SRD5A2: variants seen among roughly 807,000 people sequenced by gnomAD.
SRD5A2 encodes 3-oxo-5-alpha-steroid 4-dehydrogenase 2.
In SRD5A2, 30 loss-of-function variants were observed where a neutral mutation model predicts 27.4. That is an observed-to-expected ratio of 1.10 (90% CI 0.82 to 1.49). The LOEUF (loss-of-function observed/expected upper bound fraction) is 1.49. Among genes scored for constraint, SRD5A2 ranks in the 40% most tolerant of loss-of-function variants. The probability of loss-of-function intolerance (pLI) is 0.00; values close to 1 mark genes in which losing one functional copy is unlikely to be tolerated. For synonymous variants in SRD5A2, 141 were observed against 133.6 expected, an observed-to-expected ratio of 1.06 and a Z score of -0.38; for missense variants, 348 against 323.4, an observed-to-expected ratio of 1.08 and a Z score of -0.58.
chr2:31,633,605 G>A, the SRD5A2 span, among the ~76,000 whole-genome samples: 1 of 152,110 alleles, frequency 6.6e-6, no homozygotes, highest in Admixed American at 6.5e-5. Flanking sequence ...ATACTCCGAT[G>A]TTGATGACAT....
intron 1 of SRD5A2, among the ~76,000 whole-genome samples, chr2:31,558,568 T>C (rs1363595254): frequency 1.3e-5 from 2 of 152,210 alleles, no homozygotes; most frequent in Admixed American, 6.5e-5. Flanking sequence ...GGTGTTTCCC[T>C]GTGTTTGTGT....
chr2:31,522,609 G>T lies in SRD5A2; in HGVS notation c.*3587C>A. On this transcript the variant is annotated 3_prime_UTR_variant, in exon 5 of 5. Coordinates refer to ENST00000622030, the MANE Select transcript of SRD5A2 (RefSeq NM_000348.4). ...TTTAAGATCACAACTCCATGGACTT[G>T]TACAAAGAATAAACAAATGTCTTAC... 1 of 212,402 alleles carries T rather than the reference G, an allele frequency of 4.7e-6. No individual in the cohort carries two copies. The highest frequency in any genetic ancestry group is 9.5e-6 in the Non-Finnish European group (1 of 104,900). 13.2% of individuals were successfully genotyped at this position (212,402 alleles called of 1,614,324 possible). A position where few individuals can be genotyped will look rare whatever the true frequency, so the allele number is the denominator to read the frequency against.
At chr2:31,529,108 T>C (rs1053446755) in intron 4 of SRD5A2, among the ~76,000 whole-genome samples, 199 bp downstream of exon 4, 4 of 152,218 alleles carry the variant, frequency 2.6e-5, no homozygotes, top group Non-Finnish European at 5.9e-5. Context: ...AAAAATTTTA[T>C]TACTGCTACT....
At chr2:31,536,393 CT>C (rs1213840948) in intron 1 of SRD5A2, among the ~76,000 whole-genome samples, 1 of 152,196 alleles carries the variant, frequency 6.6e-6, no homozygotes, top group Non-Finnish European at 1.5e-5. Context: ...TCCAAGGAAT[CT>C]TCTGCATCTA....
the SRD5A2 span, among the ~76,000 whole-genome samples, chr2:31,604,868 C>A: frequency 3.3e-5 from 5 of 151,704 alleles, no homozygotes; most frequent in Admixed American, 3.3e-4. Flanking sequence ...GCAAAAAGAA[C>A]AAAACTGAGG....
chr2:31,564,577 A>G (rs1357436903), intron 1 of SRD5A2, among the ~76,000 whole-genome samples: 1 of 152,004 alleles, frequency 6.6e-6, no homozygotes, highest in Non-Finnish European at 1.5e-5. Flanking sequence ...TAAGAAATAT[A>G]AATACACCAA....
At chr2:31,636,640 A>G in the SRD5A2 span, among the ~76,000 whole-genome samples, 2 of 152,074 alleles carry the variant, frequency 1.3e-5, no homozygotes, top group African/African-American at 4.8e-5. Context: ...TTCTAAAACT[A>G]TGTCCCTCCT....
chr2:31,588,402 GC>G, the SRD5A2 span, among the ~76,000 whole-genome samples: 1 of 152,208 alleles, frequency 6.6e-6, no homozygotes, highest in Non-Finnish European at 1.5e-5. Context: ...GTACAATGGG[GC>G]TCCAATACAT....
the SRD5A2 span, among the ~76,000 whole-genome samples, chr2:31,587,345 G>A: frequency 6.6e-6 from 1 of 152,194 alleles, no homozygotes; most frequent in Non-Finnish European, 1.5e-5. Context: ...AGACAGTGTG[G>A]TGATTCCTTA....
the SRD5A2 span, among the ~76,000 whole-genome samples, chr2:31,644,554 T>A: frequency 6.6e-6 from 1 of 152,174 alleles, no homozygotes; most frequent in African/African-American, 2.4e-5. Context: ...TGTGAGAATC[T>A]AATGCGGCAG....
chr2:31,574,470 A>G (rs556825956), intron 1 of SRD5A2, among the ~76,000 whole-genome samples: 4 of 152,332 alleles, frequency 2.6e-5, no homozygotes, highest in Admixed American at 6.5e-5. Flanking sequence ...TTTTAAATGG[A>G]CAAAAAGTTG....
intron 1 of SRD5A2, among the ~76,000 whole-genome samples, chr2:31,577,670 C>A (rs550669569): frequency 6.6e-6 from 1 of 152,300 alleles, no homozygotes; most frequent in East Asian, 1.9e-4. Flanking sequence ...CTCCCTGTCT[C>A]TCCGTCTTAT....
chr2:31,532,204 G>A (rs960158094), intron 2 of SRD5A2, among the ~76,000 whole-genome samples: 11 of 152,226 alleles, frequency 7.2e-5, no homozygotes, highest in African/African-American at 2.2e-4. Context: ...CACCTACTTC[G>A]ACACTTGTTA....
chr2:31,561,861 G>A (rs1666631211), intron 1 of SRD5A2, among the ~76,000 whole-genome samples: 1 of 152,124 alleles, frequency 6.6e-6, no homozygotes, highest in Non-Finnish European at 1.5e-5. Context: ...CATGGCCTGA[G>A]TAACTAAATC....
rs1457389420 is a variant in SRD5A2 at position 31,580,849 on chromosome 2, C to T, written c.52G>A (p.Val18Ile). 2.9e-5 allele frequency: 47 copies of T among 1,611,642 alleles called. No individual in the cohort carries two copies. The highest frequency in any genetic ancestry group is 3.9e-5 in the Non-Finnish European group (46 of 1,179,326). ...TACAAGGCCAGTGCCCCAAGGGCGA[C>T]CAAAGTGGCGCTGCCTGCCAGCACT... Reference protein sequence around the residue: ...SPVLAGSATLVALGALALYVA... With the variant: ...SPVLAGSATLIALGALALYVA... Residue 18 changes from valine to isoleucine, a missense_variant, in exon 1 of 5, where the codon GTC becomes ATC. Transcript: ENST00000622030.
chr2:31,630,075 C>T, the SRD5A2 span, among the ~76,000 whole-genome samples: 1 of 152,130 alleles, frequency 6.6e-6, no homozygotes, highest in Admixed American at 6.5e-5. Flanking sequence ...TGCCAGGGCC[C>T]CAAGTTTGCA....
intron 1 of SRD5A2, among the ~76,000 whole-genome samples, chr2:31,580,303 A>G (rs988321058): frequency 4.6e-5 from 7 of 152,214 alleles, no homozygotes; most frequent in South Asian, 4.1e-4. Flanking sequence ...GGTCTCCCCA[A>G]CCTGAGCTTT....
chr2:31,528,809 G>A (rs1665836564), intron 4 of SRD5A2, among the ~76,000 whole-genome samples: 1 of 151,940 alleles, frequency 6.6e-6, no homozygotes, highest in African/African-American at 2.4e-5. Flanking sequence ...TATCTGTGGA[G>A]CTTTGGAAAG....
the SRD5A2 span, among the ~76,000 whole-genome samples, chr2:31,598,042 A>T: frequency 2.6e-5 from 4 of 152,324 alleles, no homozygotes; most frequent in South Asian, 8.3e-4. Context: ...AAAAATATGA[A>T]ACCAACCTAA....
Sources: gnomAD v4.1 joint callset for allele counts (sites outside exome capture counted in the v4.1 genomes callset) on GRCh38, gnomAD v4.1.1 for gene constraint, MANE v1.5 for transcripts, NCBI Gene and HGNC (gene_info 2026-07-23, HGNC 2026-07-21) for gene names.